RBMS1: variants seen among roughly 807,000 people sequenced by gnomAD.
RBMS1 encodes RNA-binding motif, single-stranded-interacting protein 1.
A neutral mutation model predicts 62.3 loss-of-function variants in RBMS1; 17 were observed. That is an observed-to-expected ratio of 0.27 (90% confidence interval 0.19 to 0.41). RBMS1 has a LOEUF of 0.41. RBMS1 is among the 10% of genes least tolerant of loss of function. The pLI is 1.00. For missense variants in RBMS1, 334 were observed against 504.5 expected (o/e 0.66, Z 3.24); for synonymous variants, 172 against 170.0 (o/e 1.01, Z -0.09).
chr2:160,369,237 A>G (rs1693592452), intron 1 of RBMS1, among the ~76,000 whole-genome samples: 1 of 152,196 alleles, frequency 6.6e-6, no homozygotes, highest in Non-Finnish European at 1.5e-5. Context: ...AGCTGAACTC[A>G]TATCCTTTCT....
chr2:160,434,999 C>T (rs1394438670), intron 1 of RBMS1, among the ~76,000 whole-genome samples: 2 of 152,148 alleles, frequency 1.3e-5, no homozygotes, highest in African/African-American at 4.8e-5. Context: ...TGCCATCTTA[C>T]CCAGCTTTCT....
intron 1 of RBMS1, among the ~76,000 whole-genome samples, chr2:160,389,074 C>A (rs895905934): frequency 6.6e-6 from 1 of 152,220 alleles, no homozygotes; most frequent in African/African-American, 2.4e-5. Flanking sequence ...TCATTTTAAT[C>A]AGAAAGGGTG....
rs148285787 is a variant in RBMS1 at position 160,480,846 on chromosome 2, G to T, written c.75+12443C>A. Among the ~76,000 whole-genome samples, 335 of 152,076 alleles carry T rather than the reference G, an allele frequency of 2.2e-3. 1 individual carries two copies. The highest frequency in any genetic ancestry group is 3.2e-3 in the Non-Finnish European group (219 of 67,988). ...CAGAGCAAGAATCCACTGGGAGGCCGAGGTGACGGATCACCTGGGGCCAGG... is the reference window on the plus strand; with the variant it reads ...CAGAGCAAGAATCCACTGGGAGGCCTAGGTGACGGATCACCTGGGGCCAGG... On this transcript the variant is annotated intron_variant, in intron 1 of 13. Transcript: ENST00000348849.
At chr2:160,276,564 A>AATG (rs1687845936) in intron 12 of RBMS1, 1 of 152,212 alleles carries the variant, frequency 6.6e-6, no homozygotes, top group Non-Finnish European at 1.5e-5. Flanking sequence ...TTTCTCTCTA[A>AATG]CCATAATTCA....
At chr2:160,342,216 T>C (rs1490009643) in intron 2 of RBMS1, among the ~76,000 whole-genome samples, 1 of 152,170 alleles carries the variant, frequency 6.6e-6, no homozygotes, top group Non-Finnish European at 1.5e-5. Flanking sequence ...ACATAAATAA[T>C]CTAAGCAGCT....
At chr2:160,405,257 A>ATTT (rs71003495) in intron 1 of RBMS1, among the ~76,000 whole-genome samples, 1 of 149,072 alleles carries the variant, frequency 6.7e-6, no homozygotes. Flanking sequence ...CTTACATTCC[A>ATTT]TTTTTTTTTT....
At chr2:160,295,094 T>C (rs773020649) in intron 6 of RBMS1, among the ~76,000 whole-genome samples, 2 of 152,084 alleles carry the variant, frequency 1.3e-5, no homozygotes, top group African/African-American at 2.4e-5. Context: ...TTTTCAAGTC[T>C]ACTGGGGACT....
intron 1 of RBMS1, among the ~76,000 whole-genome samples, chr2:160,412,554 T>C (rs776301347): frequency 1.3e-5 from 2 of 152,220 alleles, no homozygotes; most frequent in Non-Finnish European, 2.9e-5. Flanking sequence ...TAGATGATGA[T>C]GCTTCAATTC....
At chr2:160,383,241 T>C (rs192963515) in intron 1 of RBMS1, among the ~76,000 whole-genome samples, 18 of 152,298 alleles carry the variant, frequency 1.2e-4, no homozygotes, top group Non-Finnish European at 2.2e-4. Flanking sequence ...TAGCGACTCC[T>C]GCTGTTCCTT....
intron 1 of RBMS1, among the ~76,000 whole-genome samples, chr2:160,413,585 A>G (rs1307272137): frequency 6.6e-6 from 1 of 152,210 alleles, no homozygotes; most frequent in Non-Finnish European, 1.5e-5. Flanking sequence ...ATAATCCTAG[A>G]AGGTATAGAG....
Position 160,281,407 on chromosome 2 carries a change from T to C in RBMS1, c.901-43A>G, listed in dbSNP as rs747296473. The C allele has an allele frequency of 4.7e-6, 7 of 1,477,760 alleles. No individual in the cohort carries two copies. In the Admixed American group the frequency reaches 1.2e-4, roughly 26 times the overall value. The allele number at this position is 1,477,760 out of a possible 1,614,324, so 91.5% of individuals were successfully genotyped here. A position where few individuals can be genotyped will look rare whatever the true frequency, so the allele number is the denominator to read the frequency against. On this transcript the variant is annotated intron_variant, in intron 9 of 13. Coordinates refer to ENST00000348849, the MANE Select transcript of RBMS1 (RefSeq NM_016836.4). ...TTGAAAGAAATATTGATTTTCATTG[T>C]AAAGCTTACCTATTTCTTTAGAACT...
intron 6 of RBMS1, among the ~76,000 whole-genome samples, chr2:160,287,619 G>A (rs1253715555): frequency 1.3e-5 from 2 of 152,214 alleles, no homozygotes; most frequent in African/African-American, 4.8e-5. Context: ...TCCCCTTCTA[G>A]GCTATACGCC....
intron 7 of RBMS1, 67 bp from the exon 8 acceptor site, chr2:160,285,111 G>A: frequency 1.3e-6 from 2 of 1,495,084 alleles, no homozygotes; most frequent in Admixed American, 3.3e-5. Flanking sequence ...TCTATTTTTA[G>A]CCAGGTGTGG....
Position 160,303,596 on chromosome 2 carries a change from A to C in RBMS1, c.403-109T>G, listed in dbSNP as rs1000185392. ...TTCTTTGCTCAAGTCCTTTTAAAGT[A>C]CTCAGAACCTCAGAACACCAAAGTC... On this transcript the variant is annotated intron_variant, in intron 4 of 13. Coordinates refer to ENST00000348849, the MANE Select transcript of RBMS1 (RefSeq NM_016836.4). 23 of 1,245,008 alleles carry C rather than the reference A, an allele frequency of 1.8e-5. 1 individual carries two copies. The Admixed American group carries it at 3.1e-4, about 17-fold the overall frequency. 77.1% of individuals were successfully genotyped at this position (1,245,008 alleles called of 1,614,324 possible). A position where few individuals can be genotyped will look rare whatever the true frequency, so the allele number is the denominator to read the frequency against.
At chr2:160,456,468 G>T (rs75774543) in intron 1 of RBMS1, among the ~76,000 whole-genome samples, 7 of 152,120 alleles carry the variant, frequency 4.6e-5, no homozygotes, top group Non-Finnish European at 7.4e-5. Context: ...AGTATAGATT[G>T]TTACCTTACT....
intron 1 of RBMS1, among the ~76,000 whole-genome samples, chr2:160,447,973 A>G (rs1237287011): frequency 6.6e-6 from 1 of 152,196 alleles, no homozygotes; most frequent in East Asian, 1.9e-4. Flanking sequence ...GAATAAATGT[A>G]AAACACTGAA....
chr2:160,405,552 C>A (rs1248860580), intron 1 of RBMS1, among the ~76,000 whole-genome samples: 1 of 152,156 alleles, frequency 6.6e-6, no homozygotes, highest in Non-Finnish European at 1.5e-5. Context: ...ACAAAAGAAA[C>A]CTTTGACTCA....
intron 1 of RBMS1, among the ~76,000 whole-genome samples, chr2:160,413,825 T>C (rs1696116136): frequency 6.6e-6 from 1 of 152,234 alleles, no homozygotes; most frequent in South Asian, 2.1e-4. Context: ...TATCCCATTT[T>C]ACCAAAGAGA....
chr2:160,410,152 G>A (rs1374194152), intron 1 of RBMS1, among the ~76,000 whole-genome samples: 1 of 148,320 alleles, frequency 6.7e-6, no homozygotes, highest in Admixed American at 6.8e-5. Context: ...AACCCAGGAG[G>A]CGGAGCTTGC....
Sources: allele counts gnomAD v4.1 joint callset (sites outside exome capture counted in the v4.1 genomes callset), GRCh38; gene constraint gnomAD v4.1.1; transcripts MANE v1.5; gene names NCBI Gene and HGNC (gene_info 2026-07-23, HGNC 2026-07-21).